ATL1: variants seen among roughly 807,000 people sequenced by gnomAD.
The protein encoded by ATL1 is atlastin GTPase 1, also known as atlastin-1.
Under a neutral mutation model 75.5 loss-of-function variants are expected in ATL1, and 31 were observed. That is an observed-to-expected ratio of 0.41 (90% confidence interval 0.31 to 0.55). ATL1 has a LOEUF of 0.55. Among genes scored for constraint, ATL1 ranks in the 20% least tolerant of loss-of-function variants. The pLI, the probability that ATL1 is intolerant of heterozygous loss-of-function variation, is 0.27. For synonymous variants in ATL1, 226 were observed against 233.3 expected (o/e 0.97, Z 0.28); for missense variants, 405 against 662.6 (o/e 0.61, Z 4.27).
chr14:50,621,277 A>T (rs2039464683), intron 9 of ATL1, among the ~76,000 whole-genome samples: 1 of 152,170 alleles, frequency 6.6e-6, no homozygotes, highest in South Asian at 2.1e-4. Flanking sequence ...TCAGTTACCA[A>T]CCCAATTGTG....
chr14:50,603,485 G>T (rs2039289570), intron 6 of ATL1, among the ~76,000 whole-genome samples: 1 of 152,096 alleles, frequency 6.6e-6, no homozygotes, highest in Admixed American at 6.5e-5. Flanking sequence ...AATAATAGAA[G>T]GGGAAGCATA....
At chr14:50,567,580 A>G (rs1397262267) in intron 1 of ATL1, among the ~76,000 whole-genome samples, 2 of 152,194 alleles carry the variant, frequency 1.3e-5, no homozygotes. Flanking sequence ...TGTTCTCATC[A>G]ACAGTGCACA....
intron 6 of ATL1, among the ~76,000 whole-genome samples, chr14:50,597,220 CAAAA>C (rs372066395): frequency 6.5e-4 from 70 of 108,378 alleles, no homozygotes; most frequent in African/African-American, 2.5e-3. Context: ...AAAAAACAAA[CAAAA>C]AAAAAAAAAG....
intron 1 of ATL1, among the ~76,000 whole-genome samples, chr14:50,564,450 C>G (rs1010575146): frequency 5.3e-5 from 8 of 151,594 alleles, no homozygotes; most frequent in Non-Finnish European, 1.2e-4. Flanking sequence ...GAGATGGAGA[C>G]CATCCTGGCT....
At chr14:50,608,952 TC>T (rs771095814) in intron 6 of ATL1, among the ~76,000 whole-genome samples, 60 of 151,764 alleles carry the variant, frequency 4.0e-4, no homozygotes, top group Non-Finnish European at 7.4e-4. Context: ...TCTACAAGAA[TC>T]CCTCCTCTCC....
upstream of ATL1, among the ~76,000 whole-genome samples, chr14:50,558,019 G>A (rs998590807): frequency 6.6e-6 from 1 of 152,192 alleles, no homozygotes; most frequent in African/African-American, 2.4e-5. Flanking sequence ...GAATGGTGAT[G>A]CATAGCACAA....
chr14:50,582,691 G>C (rs2039068082), intron 1 of ATL1, among the ~76,000 whole-genome samples: 1 of 151,530 alleles, frequency 6.6e-6, no homozygotes, highest in Non-Finnish European at 1.5e-5. Context: ...CTCCCAAAGT[G>C]CTGGGATTAC....
chr14:50,560,222 G>A lies in ATL1; in HGVS notation c.-44G>A, dbSNP rs1356870381. On this transcript the variant is annotated 5_prime_UTR_variant, in exon 1 of 14. Coordinates refer to ENST00000358385, the MANE Select transcript of ATL1 (RefSeq NM_015915.5). ...AACCTGCGGCCCCGGAGAAGGCAGC[G>A]AGCGCAGTGACAGCGCCTCACCGCC... is the stretch of plus-strand genomic sequence containing the variant. 1 of 1,611,576 alleles carries A rather than the reference G, an allele frequency of 6.2e-7. No individual in the cohort carries two copies. Among genetic ancestry groups the A allele is most frequent in the Non-Finnish European group, 8.5e-7 (1 of 1,178,740 alleles).
At chr14:50,607,786 A>T (rs1298690086) in intron 6 of ATL1, among the ~76,000 whole-genome samples, 1 of 152,072 alleles carries the variant, frequency 6.6e-6, no homozygotes, top group East Asian at 1.9e-4. Flanking sequence ...TTCAGATAAC[A>T]TTTGTTTCAT....
At chr14:50,538,109 A>G (rs1319052652) in intron 1 of ATL1, among the ~76,000 whole-genome samples, 1 of 152,102 alleles carries the variant, frequency 6.6e-6, no homozygotes, top group East Asian at 1.9e-4. Flanking sequence ...GTGGGAGGTA[A>G]TTGAATCATG....
chr14:50,560,183 C>T lies in ATL1; in HGVS notation c.-83C>T. ...ACTGCGCCCAGCGCGGGCACGGAGCCTCCCACCGCCAGCAACCTGCGGCCC... is the reference window on the plus strand; with the variant it reads ...ACTGCGCCCAGCGCGGGCACGGAGCTTCCCACCGCCAGCAACCTGCGGCCC... On this transcript the variant is annotated 5_prime_UTR_variant, in exon 1 of 14. Transcript: ENST00000358385. 6.4e-7 allele frequency: 1 copy of T among 1,560,852 alleles called. No individual in the cohort carries two copies. Among genetic ancestry groups the T allele is most frequent in the South Asian group, 1.1e-5 (1 of 87,490 alleles).
chr14:50,605,231 G>A (rs911800917), intron 6 of ATL1, among the ~76,000 whole-genome samples: 1 of 151,606 alleles, frequency 6.6e-6, no homozygotes, highest in African/African-American at 2.4e-5. Context: ...CTTTGGGACA[G>A]TGGTTCTTCC....
Position 50,560,207 on chromosome 14 carries a change from C to G in ATL1, c.-59C>G. The G allele has an allele frequency of 6.2e-7, 1 of 1,605,294 alleles. No homozygotes were observed. Among genetic ancestry groups the G allele is most frequent in the Non-Finnish European group, 8.5e-7 (1 of 1,175,376 alleles). On this transcript the variant is annotated 5_prime_UTR_variant, in exon 1 of 14. Coordinates refer to ENST00000358385, the MANE Select transcript of ATL1 (RefSeq NM_015915.5). ...CCTCCCACCGCCAGCAACCTGCGGC[C>G]CCGGAGAAGGCAGCGAGCGCAGTGA...
At chr14:50,626,584 G>C (rs2039522572) in intron 11 of ATL1, among the ~76,000 whole-genome samples, 1 of 152,212 alleles carries the variant, frequency 6.6e-6, no homozygotes, top group Non-Finnish European at 1.5e-5. Flanking sequence ...CGAAGATGCT[G>C]TGAACAGTGT....
At chr14:50,617,618 G>A (rs983665199) in intron 8 of ATL1, among the ~76,000 whole-genome samples, 9 of 152,212 alleles carry the variant, frequency 5.9e-5, no homozygotes, top group African/African-American at 7.2e-5. Flanking sequence ...AGCATACATC[G>A]TATTCTCAAT....
At chr14:50,594,237 G>A (rs2039190757) in intron 5 of ATL1, among the ~76,000 whole-genome samples, 1 of 152,160 alleles carries the variant, frequency 6.6e-6, no homozygotes, top group African/African-American at 2.4e-5. Context: ...TCAGATCTGT[G>A]AGAACTCACT....
At chr14:50,536,060 A>T (rs2038487714) in intron 1 of ATL1, among the ~76,000 whole-genome samples, 2 of 152,262 alleles carry the variant, frequency 1.3e-5, no homozygotes, top group African/African-American at 4.8e-5. Flanking sequence ...CTTCGCAGCC[A>T]CATGGAACTG....
At chr14:50,567,045 G>A (rs1181473797) in intron 1 of ATL1, among the ~76,000 whole-genome samples, 1 of 151,854 alleles carries the variant, frequency 6.6e-6, no homozygotes, top group East Asian at 1.9e-4. Flanking sequence ...GTAAAATATT[G>A]TTGTGTAGCT....
At chr14:50,541,142 A>G (rs1036660575) in intron 1 of ATL1, among the ~76,000 whole-genome samples, 1 of 152,222 alleles carries the variant, frequency 6.6e-6, no homozygotes, top group African/African-American at 2.4e-5. Flanking sequence ...AATAATCAGA[A>G]GCAGTTTGCT....
Sources: gnomAD v4.1 joint callset for allele counts (sites outside exome capture counted in the v4.1 genomes callset) on GRCh38, gnomAD v4.1.1 for gene constraint, MANE v1.5 for transcripts, NCBI Gene and HGNC (gene_info 2026-07-23, HGNC 2026-07-21) for gene names.